The following TBC1D5 variants were observed in gnomAD, a reference collection of about 807,000 sequenced individuals.
The protein encoded by TBC1D5 is TBC1 domain family member 5, also known as TBC1 domain family, member 5.
In TBC1D5, 75 loss-of-function variants were observed where a neutral mutation model predicts 100.3. The ratio of observed to expected loss-of-function variants is 0.75; its 90% CI spans 0.62 to 0.91. The LOEUF is 0.91. Ranked by LOEUF, TBC1D5 falls within the 40% of genes least tolerant of loss-of-function variation. TBC1D5 has a pLI of 0.00. For synonymous variants in TBC1D5, 323 were observed against 325.6 expected, an observed-to-expected ratio of 0.99 and a Z score of 0.09; for missense variants, 910 against 942.4, an observed-to-expected ratio of 0.97 and a Z score of 0.45.
intron 3 of TBC1D5, among the ~76,000 whole-genome samples, chr3:17,479,699 A>G (rs934720193): frequency 4.6e-5 from 7 of 152,146 alleles, no homozygotes; most frequent in African/African-American, 1.7e-4. Context: ...TTAGCCAGGT[A>G]TGCTGTTATG....
At chr3:17,446,748 G>A (rs1272758303) in intron 3 of TBC1D5, among the ~76,000 whole-genome samples, 1 of 152,212 alleles carries the variant, frequency 6.6e-6, no homozygotes, top group African/African-American at 2.4e-5. Flanking sequence ...GAGGCGGGTG[G>A]ATCACGACGT....
intron 3 of TBC1D5, among the ~76,000 whole-genome samples, chr3:17,434,767 C>T (rs1192811778): frequency 1.3e-5 from 2 of 152,208 alleles, no homozygotes; most frequent in Non-Finnish European, 1.5e-5. Flanking sequence ...ATTCCACTCC[C>T]CGTTACTTCT....
intron 1 of TBC1D5, among the ~76,000 whole-genome samples, chr3:17,648,760 G>C (rs980686590): frequency 3.3e-5 from 5 of 152,034 alleles, no homozygotes; most frequent in Non-Finnish European, 7.4e-5. Context: ...GAGAAATGCA[G>C]ATCAAAACCA....
chr3:17,338,608 T>C lies in TBC1D5; in HGVS notation c.996-30474A>G, dbSNP rs374079588. The C allele has an allele frequency of 9.2e-5, 14 of 152,342 alleles. No homozygotes were observed. The East Asian group carries it at 2.3e-3, about 25-fold the overall frequency. 9.4% of individuals were successfully genotyped at this position (152,342 alleles called of 1,614,324 possible). ...GAAAGAATAGATATGGAGATGAGTATATTTTATCATTAGCAACACGAAAAT... is the reference window on the plus strand; with the variant it reads ...GAAAGAATAGATATGGAGATGAGTACATTTTATCATTAGCAACACGAAAAT... On this transcript the variant is annotated intron_variant, in intron 13 of 21. Coordinates refer to ENST00000253692, the Ensembl canonical transcript of TBC1D5.
intron 8 of TBC1D5, among the ~76,000 whole-genome samples, chr3:17,402,350 ATAC>A (rs375108609): frequency 6.6e-6 from 1 of 152,140 alleles, no homozygotes; most frequent in African/African-American, 2.4e-5. Context: ...GCCACCAGAG[ATAC>A]TCACGATTCT....
At chr3:17,693,864 TC>T (rs2153834440) in intron 1 of TBC1D5, among the ~76,000 whole-genome samples, 1 of 152,202 alleles carries the variant, frequency 6.6e-6, no homozygotes, top group East Asian at 1.9e-4. Context: ...CGGGTGCCCC[TC>T]TGGGACGAAG....
At chr3:17,375,644 G>A (rs1398812005) in intron 10 of TBC1D5, among the ~76,000 whole-genome samples, 1 of 150,552 alleles carries the variant, frequency 6.6e-6, no homozygotes, top group African/African-American at 2.4e-5. Context: ...GTGAAAGCAA[G>A]TTATATATGG....
intron 3 of TBC1D5, among the ~76,000 whole-genome samples, chr3:17,458,434 C>A (rs1427236729): frequency 1.3e-5 from 2 of 152,160 alleles, no homozygotes; most frequent in African/African-American, 4.8e-5. Context: ...AGGGCATTTT[C>A]TTTTACTGAT....
At chr3:17,615,274 G>C (rs2062048904) in intron 2 of TBC1D5, among the ~76,000 whole-genome samples, 1 of 152,190 alleles carries the variant, frequency 6.6e-6, no homozygotes, top group Non-Finnish European at 1.5e-5. Flanking sequence ...TATGCTGCTG[G>C]ATTCAGTTTG....
intron 4 of TBC1D5, among the ~76,000 whole-genome samples, chr3:17,417,287 C>A (rs1222473719): frequency 1.3e-5 from 2 of 151,458 alleles, no homozygotes; most frequent in Non-Finnish European, 2.9e-5. Context: ...GTGTGCTGCA[C>A]CCATTAACTC....
intron 18 of TBC1D5, among the ~76,000 whole-genome samples, chr3:17,210,836 A>G (rs1460954794): frequency 6.6e-6 from 1 of 151,852 alleles, no homozygotes; most frequent in Non-Finnish European, 1.5e-5. Flanking sequence ...CCAGTTCTCT[A>G]ATTTTCTTAT....
intron 15 of TBC1D5, among the ~76,000 whole-genome samples, chr3:17,282,310 T>C (rs1330303239): frequency 1.3e-5 from 2 of 152,206 alleles, no homozygotes; most frequent in Non-Finnish European, 2.9e-5. Context: ...TGGGGCTTCA[T>C]AGACTTTCTG....
chr3:17,273,809 C>CAACA (rs2079680289), intron 15 of TBC1D5, among the ~76,000 whole-genome samples: 1 of 114,982 alleles, frequency 8.7e-6, no homozygotes, highest in Non-Finnish European at 1.8e-5. Flanking sequence ...CTCTGTATCT[C>CAACA]AAAAAAAAAA....
intron 3 of TBC1D5, among the ~76,000 whole-genome samples, chr3:17,449,791 G>T (rs915282682): frequency 6.6e-6 from 1 of 152,178 alleles, no homozygotes; most frequent in Non-Finnish European, 1.5e-5. Context: ...GGGAAGGGGC[G>T]GCTGTGGGAG....
chr3:17,586,374 T>G (rs1376234529), intron 2 of TBC1D5: 1 of 152,104 alleles, frequency 6.6e-6, no homozygotes, highest in Admixed American at 6.5e-5. Flanking sequence ...ACTTTACTGG[T>G]CCACAAATCC....
chr3:17,434,092 C>T (rs1214834616), intron 3 of TBC1D5, among the ~76,000 whole-genome samples: 1 of 152,208 alleles, frequency 6.6e-6, no homozygotes, highest in Non-Finnish European at 1.5e-5. Context: ...TCACAGCTGG[C>T]GTTGAGTGTC....
intron 1 of TBC1D5, among the ~76,000 whole-genome samples, chr3:17,734,851 C>T (rs765097444): frequency 2.6e-5 from 4 of 151,662 alleles, no homozygotes; most frequent in Non-Finnish European, 5.9e-5. Context: ...TTTGGGAGGC[C>T]GATGTGGGAG....
rs769101439 is a variant in TBC1D5 at position 17,161,030 on chromosome 3, C to T, written c.2321G>A (p.Ser774Asn). 7 of 1,614,060 alleles carry T rather than the reference C, an allele frequency of 4.3e-6. No homozygotes were observed. In the African/African-American group the frequency reaches 9.3e-5, roughly 22 times the overall value. Residue 774 changes from serine (S) to asparagine (N), a missense_variant, in exon 22 of 22, where the codon AGC becomes AAC. By Grantham distance (46) the Ser-to-Asn change is conservative. Coordinates refer to ENST00000253692, the Ensembl canonical transcript of TBC1D5. Reference sequence around the variant, plus strand: ...GCTGCTGTCGTCATCAGGACTGGAGCTGGGGTTGCTGGAGGAAGCTGAGGC... The same window carrying T: ...GCTGCTGTCGTCATCAGGACTGGAGTTGGGGTTGCTGGAGGAAGCTGAGGC...
Position 17,256,058 on chromosome 3 carries a change from A to G in TBC1D5, c.1331+2448T>C, listed in dbSNP as rs1414516132. Among the ~76,000 whole-genome samples the G allele has an allele frequency of 3.3e-5, 5 of 152,174 alleles. No individual in the cohort carries two copies. The East Asian group carries it at 9.6e-4, about 29-fold the overall frequency. ...CTCAAAAAATAAAAACAACAAAAAAAATTTGAAATAAGATTAAAAAGTCTT... is the reference window on the plus strand; with the variant it reads ...CTCAAAAAATAAAAACAACAAAAAAGATTTGAAATAAGATTAAAAAGTCTT... On this transcript the variant is annotated intron_variant, in intron 16 of 21. Transcript: ENST00000253692.
Sources: gnomAD v4.1 joint callset for allele counts (sites outside exome capture counted in the v4.1 genomes callset) on GRCh38, gnomAD v4.1.1 for gene constraint, MANE v1.5 for transcripts, NCBI Gene and HGNC (gene_info 2026-07-23, HGNC 2026-07-21) for gene names.